Variants in CADM2 observed in about 807,000 individuals in gnomAD.
The protein encoded by CADM2 is immunoglobulin superfamily member 4D.
CADM2 carries 12 observed loss-of-function variants against 49.8 expected under a neutral mutation model. That is an observed-to-expected ratio of 0.24 (90% CI 0.15 to 0.39). The LOEUF (loss-of-function observed/expected upper bound fraction) is 0.39, where lower values mean the gene tolerates loss of function less well. Among genes scored for constraint, CADM2 ranks in the 10% least tolerant of loss-of-function variants. CADM2 has a pLI of 1.00. For missense variants in CADM2, 378 were observed against 492.3 expected, an observed-to-expected ratio of 0.77 and a Z score of 2.20; for synonymous variants, 214 against 175.4, an observed-to-expected ratio of 1.22 and a Z score of -1.74.
chr3:85,931,371 A>T (rs1178084564), intron 6 of CADM2, among the ~76,000 whole-genome samples: 1 of 152,158 alleles, frequency 6.6e-6, no homozygotes, highest in East Asian at 1.9e-4. Flanking sequence ...TGAGCCCAGG[A>T]GGCCGAGGCT....
intron 1 of CADM2, among the ~76,000 whole-genome samples, chr3:85,133,849 G>A (rs1263990078): frequency 6.6e-6 from 1 of 152,236 alleles, no homozygotes; most frequent in Non-Finnish European, 1.5e-5. Context: ...CCAGTCCCGC[G>A]CCGTGCGCCC....
chr3:86,037,748 T>C (rs944722432), intron 8 of CADM2, among the ~76,000 whole-genome samples: 5 of 152,204 alleles, frequency 3.3e-5, no homozygotes, highest in African/African-American at 9.6e-5. Flanking sequence ...GAATATACCA[T>C]ATACCAGACA....
At chr3:85,307,541 A>G (rs1009021691) in intron 1 of CADM2, among the ~76,000 whole-genome samples, 3 of 151,862 alleles carry the variant, frequency 2.0e-5, no homozygotes, top group African/African-American at 7.2e-5. Context: ...TTTTACAATA[A>G]TTAAATAATT....
intron 1 of CADM2, among the ~76,000 whole-genome samples, chr3:85,398,399 C>G (rs1480542336): frequency 6.6e-6 from 1 of 152,154 alleles, no homozygotes; most frequent in Non-Finnish European, 1.5e-5. Context: ...TTAATCCAGT[C>G]TGTCATTGAT....
intron 2 of CADM2, among the ~76,000 whole-genome samples, chr3:85,767,362 A>T (rs191498636): frequency 1.4e-3 from 215 of 152,322 alleles, no homozygotes; most frequent in South Asian, 2.9e-3. Context: ...GCTTAAGCAG[A>T]AGAGATTTCA....
intron 1 of CADM2, among the ~76,000 whole-genome samples, chr3:85,499,185 T>C (rs1464826276): frequency 2.0e-5 from 3 of 152,154 alleles, no homozygotes; most frequent in Admixed American, 1.3e-4. Flanking sequence ...ATACTGATGT[T>C]CTTCAAGGAC....
chr3:85,662,192 AC>A (rs1237711816), intron 1 of CADM2, among the ~76,000 whole-genome samples: 1 of 148,132 alleles, frequency 6.8e-6, no homozygotes, highest in Non-Finnish European at 1.5e-5. Flanking sequence ...GTAAACAATT[AC>A]TTTTTCTTTT....
At chr3:85,212,966 C>T (rs960593598) in intron 1 of CADM2, among the ~76,000 whole-genome samples, 2 of 151,236 alleles carry the variant, frequency 1.3e-5, no homozygotes, top group African/African-American at 4.9e-5. Flanking sequence ...CTGCAACCTT[C>T]GCCTCCTGGG....
At chr3:85,373,117 A>G (rs974737904) in intron 1 of CADM2, among the ~76,000 whole-genome samples, 1 of 152,092 alleles carries the variant, frequency 6.6e-6, no homozygotes, top group African/African-American at 2.4e-5. Context: ...CATTAACTCA[A>G]AAGTCCACAG....
At chr3:85,602,144 G>A (rs958842021) in intron 1 of CADM2, among the ~76,000 whole-genome samples, 6 of 151,726 alleles carry the variant, frequency 4.0e-5, no homozygotes, top group African/African-American at 1.4e-4. Context: ...TGCTACAAAG[G>A]TAAATTTGTT....
rs556564465 is a variant in CADM2 at position 85,921,465 on chromosome 3, A to G, written c.700+8922A>G. Among the ~76,000 whole-genome samples, 9 of 152,136 alleles carry G rather than the reference A, an allele frequency of 5.9e-5. No homozygotes were observed. The East Asian group carries it at 7.7e-4, about 13-fold the overall frequency. ...TTATTGCTATTTACCATCAGGTCCA[A>G]TAGTCTGGTGTTTTTTTAAATAATA... is the stretch of plus-strand genomic sequence containing the variant. On this transcript the variant is annotated intron_variant, in intron 6 of 9. Transcript: ENST00000383699.
intron 1 of CADM2, among the ~76,000 whole-genome samples, chr3:85,481,590 C>T (rs778231335): frequency 6.6e-6 from 1 of 151,470 alleles, no homozygotes; most frequent in African/African-American, 2.4e-5. Context: ...GATTCCCAGC[C>T]ATAAACACCG....
chr3:85,533,283 T>C (rs2061357908), intron 1 of CADM2, among the ~76,000 whole-genome samples: 1 of 152,214 alleles, frequency 6.6e-6, no homozygotes, highest in Non-Finnish European at 1.5e-5. Context: ...TGTTCTGTTA[T>C]ATGATGTCAA....
intron 1 of CADM2, among the ~76,000 whole-genome samples, chr3:85,155,392 A>C (rs1291482672): frequency 6.6e-6 from 1 of 152,034 alleles, no homozygotes; most frequent in Admixed American, 6.6e-5. Flanking sequence ...AGAGCTAACT[A>C]TCCTAACTAT....
chr3:85,225,749 G>T (rs2042144793), intron 1 of CADM2, among the ~76,000 whole-genome samples: 1 of 152,262 alleles, frequency 6.6e-6, no homozygotes, highest in African/African-American at 2.4e-5. Context: ...GTCATAAATA[G>T]CTCTTATTAT....
intron 1 of CADM2, among the ~76,000 whole-genome samples, chr3:85,113,686 G>GTTT (rs5850669): frequency 0.012 from 1,646 of 136,548 alleles, 34 homozygotes; most frequent in East Asian, 0.064. Flanking sequence ...TTATTCATTC[G>GTTT]TTTTTTTTTT....
chr3:85,937,824 A>G (rs976369108), intron 7 of CADM2, among the ~76,000 whole-genome samples: 1 of 151,960 alleles, frequency 6.6e-6, no homozygotes, highest in Non-Finnish European at 1.5e-5. Flanking sequence ...AAAATCTGTA[A>G]TTTAATGTAG....
At chr3:85,935,251 C>A (rs763455400) in intron 6 of CADM2, among the ~76,000 whole-genome samples, 1 of 152,074 alleles carries the variant, frequency 6.6e-6, no homozygotes, top group East Asian at 1.9e-4. Context: ...TCAGAGCAAG[C>A]GGCATGTGCC....
chr3:85,746,366 G>A (rs886604945), intron 2 of CADM2, among the ~76,000 whole-genome samples: 8 of 152,074 alleles, frequency 5.3e-5, no homozygotes, highest in Admixed American at 2.6e-4. Context: ...AGCCCTGTGT[G>A]TTTTTCTCCA....
Sources: gnomAD v4.1 joint callset for allele counts (sites outside exome capture counted in the v4.1 genomes callset) on GRCh38, gnomAD v4.1.1 for gene constraint, MANE v1.5 for transcripts, NCBI Gene and HGNC (gene_info 2026-07-23, HGNC 2026-07-21) for gene names.